VPS13C: variants seen among roughly 807,000 people sequenced by gnomAD.
VPS13C encodes intermembrane lipid transfer protein VPS13C.
A neutral mutation model predicts 456.8 loss-of-function variants in VPS13C; 358 were observed. The ratio of observed to expected loss-of-function variants is 0.78; its 90% CI spans 0.72 to 0.86. VPS13C has a LOEUF of 0.86. Ranked by LOEUF, VPS13C falls within the 40% of genes least tolerant of loss-of-function variation. The pLI is 0.00. For synonymous variants in VPS13C, 1,578 were observed against 1,486.7 expected (o/e 1.06, Z -1.41); for missense variants, 4,818 against 4,385.4 (o/e 1.10, Z -2.79).
intron 78 of VPS13C, 136 bp downstream of exon 78, chr15:61,873,109 TG>T: frequency 7.5e-7 from 1 of 1,339,076 alleles, no homozygotes; most frequent in South Asian, 1.5e-5. Context: ...AAAAGGAAAC[TG>T]GGAAGTCCAT....
chr15:61,932,414 G>A (rs12439934), intron 49 of VPS13C, among the ~76,000 whole-genome samples: 73,889 of 151,856 alleles, frequency 0.49, 18,169 homozygotes, highest in Admixed American at 0.56. Flanking sequence ...AGGCCTAATC[G>A]AAGTCTCAAA....
rs568304683 is a variant in VPS13C at position 62,002,920 on chromosome 15, T to C, written c.1291-2294A>G. 2.0e-4 allele frequency among the ~76,000 whole-genome samples: 31 copies of C among 152,370 alleles called. 1 individual carries two copies. The East Asian group carries it at 5.8e-3, about 28-fold the overall frequency. ...CAGTACCATGCTGTTTTGGTTACTG[T>C]AGCCTTGGAGTATAGTTTGAAGTCA... On this transcript the variant is annotated intron_variant, in intron 15 of 84. Transcript: ENST00000644861.
At chr15:61,873,141 C>A in intron 78 of VPS13C, 105 bp downstream of exon 78, 1 of 1,481,852 alleles carries the variant, frequency 6.7e-7, no homozygotes, top group South Asian at 1.4e-5. Flanking sequence ...TCTTTCTATT[C>A]CTACAGGCCT....
intron 47 of VPS13C, among the ~76,000 whole-genome samples, chr15:61,938,585 TG>T (rs1238207470): frequency 1.3e-5 from 2 of 152,336 alleles, no homozygotes; most frequent in East Asian, 3.9e-4. Context: ...AGGATGCTTT[TG>T]GTTAAAGTAA....
rs552640131 is a variant in VPS13C at position 61,890,446 on chromosome 15, T to C, written c.9106-46A>G. ...ATTAAACCCACACATAGTAACTTGT[T>C]ATTATATAAAATTGAACTATAATAA... On this transcript the variant is annotated intron_variant, in intron 66 of 84. Coordinates refer to ENST00000644861, the MANE Select transcript of VPS13C (RefSeq NM_020821.3). 118 of 1,516,574 alleles carry C rather than the reference T, an allele frequency of 7.8e-5. 1 individual carries two copies. The Admixed American group carries it at 9.2e-4, about 12-fold the overall frequency. 93.9% of individuals were successfully genotyped at this position (1,516,574 alleles called of 1,614,324 possible).
intron 8 of VPS13C, among the ~76,000 whole-genome samples, chr15:62,021,387 T>C (rs1039260928): frequency 6.6e-6 from 1 of 151,974 alleles, no homozygotes; most frequent in Non-Finnish European, 1.5e-5. Context: ...GGAAAATCTC[T>C]AGATCCTTAA....
In VPS13C at chr15:61,867,602, C is replaced by T. The variant is rs1454956840; in HGVS notation, c.10863+1057G>A. 1 of 1,074,224 alleles carries T rather than the reference C, an allele frequency of 9.3e-7. No homozygotes were observed. Among genetic ancestry groups the T allele is most frequent in the Non-Finnish European group, 1.1e-6 (1 of 888,676 alleles). 66.5% of individuals were successfully genotyped at this position (1,074,224 alleles called of 1,614,324 possible). ...ATTTTACCTGAAATGCACATGAACA[C>T]CATAAGATAAAATTTTCGAAATGAT... is the stretch of plus-strand genomic sequence containing the variant. On this transcript the variant is annotated intron_variant, in intron 81 of 84. Transcript: ENST00000644861. The surrounding 1 kb of genome is among the most constrained non-coding windows in gnomAD (Gnocchi z 5.0).
At chr15:61,880,769 T>C (rs993139667) in intron 72 of VPS13C, 47 bp from the exon 73 acceptor site, 41 of 1,539,328 alleles carry the variant, frequency 2.7e-5, no homozygotes, top group Non-Finnish European at 3.4e-5. Context: ...TTTTTCTCTA[T>C]TAGAATTCGT....
At chr15:61,932,966 G>A (rs920615126) in intron 49 of VPS13C, among the ~76,000 whole-genome samples, 1 of 151,944 alleles carries the variant, frequency 6.6e-6, no homozygotes, top group Non-Finnish European at 1.5e-5. Flanking sequence ...AGATGGAAAT[G>A]GCTACATGAC....
At chr15:62,032,472 T>G (rs1436026509) in intron 5 of VPS13C, among the ~76,000 whole-genome samples, 1 of 151,726 alleles carries the variant, frequency 6.6e-6, no homozygotes. Flanking sequence ...TTTAAATAGT[T>G]TAGTAACTTT....
intron 1 of VPS13C, among the ~76,000 whole-genome samples, chr15:62,046,186 A>C (rs1408052405): frequency 6.6e-6 from 1 of 152,198 alleles, no homozygotes; most frequent in African/African-American, 2.4e-5. Flanking sequence ...AAATGAAAGA[A>C]TACAGGCAGT....
intron 16 of VPS13C, among the ~76,000 whole-genome samples, chr15:61,999,520 T>C (rs909202744): frequency 6.6e-6 from 1 of 152,176 alleles, no homozygotes; most frequent in East Asian, 1.9e-4. Context: ...TATGAGTAAG[T>C]ACATGGACAT....
At chr15:61,986,127 G>A (rs1427500595) in intron 18 of VPS13C, among the ~76,000 whole-genome samples, 1 of 146,458 alleles carries the variant, frequency 6.8e-6, no homozygotes, top group African/African-American at 2.5e-5. Flanking sequence ...ACACACACCG[G>A]TACACACACA....
chr15:61,923,861 CTTTTTTTTTT>C (rs1188960583), intron 53 of VPS13C, among the ~76,000 whole-genome samples: 1 of 75,124 alleles, frequency 1.3e-5, no homozygotes, highest in African/African-American at 5.7e-5. Context: ...CCCTCTAAAT[CTTTTTTTTTT>C]TTTTTTTTTT....
At chr15:61,995,555 T>C (rs1005187221) in intron 16 of VPS13C, among the ~76,000 whole-genome samples, 7 of 152,216 alleles carry the variant, frequency 4.6e-5, no homozygotes, top group African/African-American at 1.7e-4. Context: ...GCAGTTTCTC[T>C]CTTCTTTTGA....
intron 36 of VPS13C, 48 bp downstream of exon 36, chr15:61,959,400 G>A: frequency 1.4e-6 from 2 of 1,481,034 alleles, no homozygotes; most frequent in Non-Finnish European, 1.8e-6. Flanking sequence ...AAAGTCTTTG[G>A]AGTTTAAAAT....
chr15:61,951,421 T>C (rs1405400011), intron 39 of VPS13C, among the ~76,000 whole-genome samples: 1 of 152,100 alleles, frequency 6.6e-6, no homozygotes, highest in African/African-American at 2.4e-5. Context: ...AGTTAGCTTA[T>C]TGCAGAAACT....
In VPS13C at chr15:61,890,148, T is replaced by A; in HGVS notation, c.9341+17A>T. The A allele has an allele frequency of 6.2e-7, 1 of 1,611,916 alleles. No individual in the cohort carries two copies. The highest frequency in any genetic ancestry group is 8.5e-7 in the Non-Finnish European group (1 of 1,178,280). On this transcript the variant is annotated intron_variant, in intron 67 of 84. Transcript: ENST00000644861. Reference sequence around the variant, plus strand: ...CCTTTTAAAGGTTTAGGATGTCTTATTTTCCTTCTTGCATACCTGGTTATC... The same window carrying A: ...CCTTTTAAAGGTTTAGGATGTCTTAATTTCCTTCTTGCATACCTGGTTATC...
In VPS13C at chr15:62,026,538, CTTGAAGTGGTTTTG is replaced by C. The variant is rs889777306; in HGVS notation, c.448+1806_448+1819del. On this transcript the variant is annotated intron_variant, in intron 6 of 84. Coordinates refer to ENST00000644861, the MANE Select transcript of VPS13C (RefSeq NM_020821.3). ...CAACAAATACTGCCAGTTCCTTTTCCTTGAAGTGGTTTTGTTGAAGTGTCTACCAAACAACCAAA... is the reference window on the plus strand; with the variant it reads ...CAACAAATACTGCCAGTTCCTTTTCCTTGAAGTGTCTACCAAACAACCAAA... 8.3e-4 allele frequency among the ~76,000 whole-genome samples: 126 copies of C among 152,120 alleles called. 1 individual carries two copies. Among genetic ancestry groups the C allele is most frequent in the African/African-American group, 2.8e-3 (115 of 41,506 alleles).
Sources: allele counts gnomAD v4.1 joint callset (sites outside exome capture counted in the v4.1 genomes callset), GRCh38; gene constraint gnomAD v4.1.1; non-coding constraint Gnocchi (gnomAD v3.1); transcripts MANE v1.5; gene names NCBI Gene and HGNC (gene_info 2026-07-23, HGNC 2026-07-21).